The following RANBP2 variants were observed in gnomAD, a reference collection of about 807,000 sequenced individuals.
The protein encoded by RANBP2 is RAN binding protein 2.
In RANBP2, 57 loss-of-function variants were observed where a neutral mutation model predicts 303.6. That is an observed-to-expected ratio of 0.19 (90% CI 0.15 to 0.23). RANBP2 has a LOEUF of 0.23. Ranked by LOEUF, RANBP2 falls within the 10% of genes least tolerant of loss-of-function variation. The pLI is 1.00. For missense variants in RANBP2, 3,138 were observed against 3,780.8 expected (o/e 0.83, Z 4.46); for synonymous variants, 1,167 against 1,301.5 (o/e 0.90, Z 2.23).
the RANBP2 span, among the ~76,000 whole-genome samples, chr2:109,394,267 G>T: frequency 6.6e-6 from 1 of 152,260 alleles, no homozygotes; most frequent in African/African-American, 2.4e-5. Context: ...TGCTGAGCCA[G>T]CAGGCAGCCA....
chr2:109,072,157 G>A, the RANBP2 span, among the ~76,000 whole-genome samples: 1 of 152,228 alleles, frequency 6.6e-6, no homozygotes, highest in African/African-American at 2.4e-5. Context: ...TTGGGCTTAT[G>A]TGGGATGTAG....
chr2:109,155,943 C>T, the RANBP2 span, among the ~76,000 whole-genome samples: 1 of 152,166 alleles, frequency 6.6e-6, no homozygotes, highest in African/African-American at 2.4e-5. Flanking sequence ...GTTTCCTTGG[C>T]AACTCAGGAT....
the RANBP2 span, among the ~76,000 whole-genome samples, chr2:109,153,529 C>T: frequency 1.7e-4 from 26 of 152,310 alleles, no homozygotes; most frequent in East Asian, 3.7e-3. Context: ...AGCATGGGCT[C>T]GGCTCAGTGT....
the RANBP2 span, among the ~76,000 whole-genome samples, chr2:109,439,760 A>C: frequency 6.6e-6 from 1 of 152,106 alleles, no homozygotes; most frequent in Admixed American, 6.5e-5. Context: ...AGCTAGATAC[A>C]GGCAAGGCAC....
the RANBP2 span, among the ~76,000 whole-genome samples, chr2:109,499,822 T>C: frequency 6.6e-6 from 1 of 152,078 alleles, no homozygotes; most frequent in Non-Finnish European, 1.5e-5. Context: ...CTAGTGAAAG[T>C]AGTCAGACAG....
the RANBP2 span, among the ~76,000 whole-genome samples, chr2:109,159,546 G>A: frequency 2.6e-5 from 4 of 152,226 alleles, no homozygotes; most frequent in African/African-American, 9.7e-5. Context: ...CATGTAGTGA[G>A]TACAGTTGAG....
the RANBP2 span, among the ~76,000 whole-genome samples, chr2:108,871,461 A>AG: frequency 3.9e-5 from 6 of 151,942 alleles, no homozygotes; most frequent in Non-Finnish European, 7.4e-5. Context: ...GCAAGGCAGG[A>AG]GAATCCCTTG....
At chr2:108,908,121 G>T in the RANBP2 span, 1 of 1,316,676 alleles carries the variant, frequency 7.6e-7, no homozygotes, top group South Asian at 1.5e-5. Context: ...TGTGGACAGT[G>T]GGGGGCAATG....
the RANBP2 span, among the ~76,000 whole-genome samples, chr2:109,537,912 C>A: frequency 6.6e-6 from 1 of 152,150 alleles, no homozygotes; most frequent in African/African-American, 2.4e-5. Flanking sequence ...TGTGCCACTG[C>A]ACTCTAGCTC....
the RANBP2 span, among the ~76,000 whole-genome samples, chr2:109,361,959 T>G: frequency 3.3e-5 from 5 of 152,208 alleles, no homozygotes; most frequent in African/African-American, 1.2e-4. Context: ...TTGTGTCCTC[T>G]GTTTTTCTTA....
chr2:108,991,894 C>A, the RANBP2 span, among the ~76,000 whole-genome samples: 3 of 152,144 alleles, frequency 2.0e-5, no homozygotes, highest in Non-Finnish European at 2.9e-5. Context: ...GGAACCTCTG[C>A]CTCCCAGGTT....
At chr2:109,243,524 C>T in the RANBP2 span, among the ~76,000 whole-genome samples, 1 of 152,122 alleles carries the variant, frequency 6.6e-6, no homozygotes, top group African/African-American at 2.4e-5. Flanking sequence ...TCAGATGGGG[C>T]AGGTGACATA....
At chr2:108,897,183 G>T in the RANBP2 span, 1 of 1,613,800 alleles carries the variant, frequency 6.2e-7, no homozygotes, top group Non-Finnish European at 8.5e-7. Context: ...TGAGCATTCG[G>T]CTAGTCTTCT....
At chr2:108,841,290 G>A in the RANBP2 span, among the ~76,000 whole-genome samples, 2 of 152,310 alleles carry the variant, frequency 1.3e-5, no homozygotes, top group Admixed American at 1.3e-4. Context: ...GGTTGATGGT[G>A]TTTGTGAGTT....
the RANBP2 span, among the ~76,000 whole-genome samples, chr2:109,106,810 C>T: frequency 3.3e-5 from 5 of 151,912 alleles, no homozygotes; most frequent in Non-Finnish European, 7.4e-5. Flanking sequence ...GCACTCCATT[C>T]TGGGTGACAG....
the RANBP2 span, among the ~76,000 whole-genome samples, chr2:109,077,507 A>G: frequency 2.0e-5 from 3 of 147,080 alleles, no homozygotes; most frequent in African/African-American, 7.4e-5. Flanking sequence ...GGAATGAATC[A>G]ATGAAATGAA....
the RANBP2 span, among the ~76,000 whole-genome samples, chr2:109,350,323 C>T: frequency 1.3e-5 from 2 of 152,280 alleles, no homozygotes; most frequent in African/African-American, 2.4e-5. Flanking sequence ...TCTCCTGTTA[C>T]AGGATCTGTG....
chr2:109,512,722 G>A, the RANBP2 span, among the ~76,000 whole-genome samples: 2 of 152,142 alleles, frequency 1.3e-5, no homozygotes, highest in African/African-American at 4.8e-5. Context: ...CCCTCAGGTA[G>A]CATCTTTGAC....
the RANBP2 span, among the ~76,000 whole-genome samples, chr2:109,188,353 C>G: frequency 6.6e-6 from 1 of 152,200 alleles, no homozygotes; most frequent in African/African-American, 2.4e-5. Flanking sequence ...TCCTGTCTTC[C>G]TCACAGTGAT....
Sources: gnomAD v4.1 joint callset for allele counts (sites outside exome capture counted in the v4.1 genomes callset) on GRCh38, gnomAD v4.1.1 for gene constraint, MANE v1.5 for transcripts, NCBI Gene and HGNC (gene_info 2026-07-23, HGNC 2026-07-21) for gene names.